The following ABCA4 variants were observed in gnomAD, a reference collection of about 807,000 sequenced individuals.
ABCA4 encodes retinal-specific phospholipid-transporting ATPase ABCA4.
Under a neutral mutation model 263.7 loss-of-function variants are expected in ABCA4, and 196 were observed. That is an observed-to-expected ratio of 0.74 (90% CI 0.66 to 0.84). The LOEUF is 0.84. Among genes scored for constraint, ABCA4 ranks in the 40% least tolerant of loss-of-function variants. ABCA4 has a pLI of 0.00. For synonymous variants in ABCA4, 1,133 were observed against 1,094.2 expected, an observed-to-expected ratio of 1.04 and a Z score of -0.70; for missense variants, 2,792 against 2,855.1, an observed-to-expected ratio of 0.98 and a Z score of 0.50.
chr1:94,060,239 T>G (rs1023858452), intron 14 of ABCA4, among the ~76,000 whole-genome samples: 22 of 152,246 alleles, frequency 1.4e-4, no homozygotes, highest in African/African-American at 5.3e-4. Context: ...TATCACCCTG[T>G]GCAGGGCTCT....
chr1:94,077,971 T>C, intron 10 of ABCA4, 84 bp from the exon 11 acceptor site: 2 of 1,396,938 alleles, frequency 1.4e-6, no homozygotes, highest in South Asian at 1.2e-5. Flanking sequence ...TTCTAATTTT[T>C]AGTGATTGAG....
intron 30 of ABCA4, among the ~76,000 whole-genome samples, 155 bp from the exon 31 acceptor site, chr1:94,025,203 A>G (rs1333566843): frequency 2.6e-5 from 4 of 152,206 alleles, no homozygotes; most frequent in Non-Finnish European, 5.9e-5. Context: ...TCTCACTTCA[A>G]TGATGTGTAA....
chr1:94,051,614 T>G lies in ABCA4; in HGVS notation c.2653+19A>C. The G allele has an allele frequency of 6.2e-7, 1 of 1,601,572 alleles. No homozygotes were observed. The highest frequency in any genetic ancestry group is 8.6e-7 in the Non-Finnish European group (1 of 1,168,550). ...GGAGTTGATTTCAAACATTAAGATTTGTGTTTTAAAGGACTCACCTTCACC... is the reference window on the plus strand; with the variant it reads ...GGAGTTGATTTCAAACATTAAGATTGGTGTTTTAAAGGACTCACCTTCACC... On this transcript the variant is annotated intron_variant, in intron 17 of 49. Transcript: ENST00000370225.
rs757638603 is a variant in ABCA4 at position 94,083,343 on chromosome 1, G to T, written c.858+9C>A. ...ATGAAATTATAATTACTACCATCAG[G>T]CTACTCACCTCTTGAATTCTTGGTG... On this transcript the variant is annotated intron_variant, in intron 7 of 49. Coordinates refer to ENST00000370225, the MANE Select transcript of ABCA4 (RefSeq NM_000350.3). 1.3e-6 allele frequency: 2 copies of T among 1,580,678 alleles called. No homozygotes were observed.
chr1:94,019,457 C>T (rs1252472116), intron 36 of ABCA4, 125 bp downstream of exon 36: 2 of 1,115,520 alleles, frequency 1.8e-6, no homozygotes, highest in Non-Finnish European at 1.3e-6. Context: ...GGCCCTTGGC[C>T]CAGTGCCTTT....
At chr1:94,098,027 G>A (rs1662177313) in intron 6 of ABCA4, among the ~76,000 whole-genome samples, 2 of 152,218 alleles carry the variant, frequency 1.3e-5, no homozygotes, top group African/African-American at 4.8e-5. Context: ...AAAGTGCTGG[G>A]ATTACAGGCG....
chr1:94,064,296 C>T (rs936149170), intron 11 of ABCA4, among the ~76,000 whole-genome samples: 2 of 152,200 alleles, frequency 1.3e-5, no homozygotes, highest in Non-Finnish European at 2.9e-5. Flanking sequence ...TGGAGCAAAC[C>T]AACAACCATA....
In ABCA4 at chr1:94,021,260, C is replaced by A. The variant is rs200443984; in HGVS notation, c.4998G>T (p.Glu1666Asp). Residue 1666 changes from glutamate to aspartate, a missense_variant, in exon 35 of 50, where the codon GAG (glutamate) becomes GAT (aspartate). By Grantham distance (45) the Glu-to-Asp change is conservative. Coordinates refer to ENST00000370225, the MANE Select transcript of ABCA4 (RefSeq NM_000350.3). Reference sequence around the variant, plus strand: ...CTTACACTGTAATCTCTGAGAGCTGCTCCTTGGTCAGGTTCAGGGGTTGGC... The same window carrying A: ...CTTACACTGTAATCTCTGAGAGCTGATCCTTGGTCAGGTTCAGGGGTTGGC... ...VISQPLNLTK[E>D]QLSEITVLTT... 5.0e-6 allele frequency: 8 copies of A among 1,614,200 alleles called. No individual in the cohort carries two copies. In the Admixed American group the frequency reaches 1.0e-4, roughly 20 times the overall value.
chr1:94,103,256 G>A (rs1319289868), intron 4 of ABCA4, 114 bp from the exon 5 acceptor site: 2 of 1,375,524 alleles, frequency 1.5e-6, no homozygotes, highest in Admixed American at 1.7e-5. Flanking sequence ...GGAAGGTTCT[G>A]TTCTTGGGGT....
chr1:94,112,923 C>T (rs771159579), intron 2 of ABCA4, 50 bp downstream of exon 2: 29 of 1,462,550 alleles, frequency 2.0e-5, no homozygotes, highest in Non-Finnish European at 2.5e-5. Context: ...GACAAAAGGC[C>T]CAGACCAAAG....
intron 11 of ABCA4, among the ~76,000 whole-genome samples, chr1:94,065,566 G>C (rs1166777635): frequency 6.6e-6 from 1 of 152,206 alleles, no homozygotes; most frequent in Non-Finnish European, 1.5e-5. Context: ...TGAACAAGGG[G>C]CTGCACACCC....
At chr1:94,048,244 G>A (rs1660740230) in intron 18 of ABCA4, among the ~76,000 whole-genome samples, 2 of 152,266 alleles carry the variant, frequency 1.3e-5, no homozygotes, top group South Asian at 4.1e-4. Context: ...TGGCCACAGA[G>A]AAATGCGTAT....
intron 6 of ABCA4, among the ~76,000 whole-genome samples, chr1:94,094,032 C>T (rs1481034267): frequency 6.6e-6 from 1 of 152,212 alleles, no homozygotes; most frequent in Admixed American, 6.5e-5. Flanking sequence ...TTTCTCTTCT[C>T]CCCTTCCCAA....
At position 94,098,360 on chromosome 1, in the gene ABCA4, T is replaced by C. The variant is rs12088309; in HGVS notation, c.768+434A>G. On this transcript the variant is annotated intron_variant, in intron 6 of 49. Coordinates refer to ENST00000370225, the MANE Select transcript of ABCA4 (RefSeq NM_000350.3). ...TAAAATTTATGAAATGTTTTGCGTA[T>C]ACTTTTCTTGTATAATTCCTACCAC... 0.32 allele frequency among the ~76,000 whole-genome samples: 48,399 copies of C among 152,108 alleles called. 7,932 individuals are homozygous for C. The highest frequency in any genetic ancestry group is 0.45 in the East Asian group (2,331 of 5,170).
rs189520539 is a variant in ABCA4 at position 94,030,657 on chromosome 1, G to A, written c.4254-131C>T. 5.5e-4 allele frequency: 507 copies of A among 922,094 alleles called. 7 individuals carry two copies. The Admixed American group carries it at 9.0e-3, about 16-fold the overall frequency. The allele number at this position is 922,094 out of a possible 1,614,324, so 57.1% of individuals were successfully genotyped here. ...GCACCGAATGCTGCCTTGGGATGGCGCTAGCTCTCCTGGGAGTGCGGTAGG... is the reference window on the plus strand; with the variant it reads ...GCACCGAATGCTGCCTTGGGATGGCACTAGCTCTCCTGGGAGTGCGGTAGG... On this transcript the variant is annotated intron_variant, in intron 28 of 49. Coordinates refer to ENST00000370225, the MANE Select transcript of ABCA4 (RefSeq NM_000350.3).
chr1:94,080,766 T>A (rs966873429), intron 7 of ABCA4, 48 bp from the exon 8 acceptor site: 2 of 1,613,264 alleles, frequency 1.2e-6, no homozygotes, highest in Admixed American at 1.7e-5. Context: ...GCTAGAGTCA[T>A]AATCTGCTGT....
chr1:94,019,536 C>T (rs1408583805), intron 36 of ABCA4, 46 bp downstream of exon 36: 3 of 1,552,718 alleles, frequency 1.9e-6, no homozygotes, highest in East Asian at 2.4e-5. Flanking sequence ...ACAAGCTCCA[C>T]CTTGGGCCCA....
At chr1:94,026,004 G>A (rs1660031381) in intron 30 of ABCA4, among the ~76,000 whole-genome samples, 1 of 152,208 alleles carries the variant, frequency 6.6e-6, no homozygotes, top group Non-Finnish European at 1.5e-5. Flanking sequence ...CTGGAAGCTA[G>A]TTCATCGAAA....
chr1:93,998,177 A>G, intron 47 of ABCA4, 67 bp from the exon 48 acceptor site: 1 of 1,610,032 alleles, frequency 6.2e-7, no homozygotes, highest in East Asian at 2.2e-5. Flanking sequence ...TCCCAAAATA[A>G]GGAGTAGACT....
Sources: gnomAD v4.1 joint callset for allele counts (sites outside exome capture counted in the v4.1 genomes callset) on GRCh38, gnomAD v4.1.1 for gene constraint, MANE v1.5 for transcripts, NCBI Gene and HGNC (gene_info 2026-07-23, HGNC 2026-07-21) for gene names.